ALK: variants seen among roughly 807,000 people sequenced by gnomAD.
The protein encoded by ALK is ALK tyrosine kinase receptor.
Under a neutral mutation model 163.1 loss-of-function variants are expected in ALK, and 74 were observed. That is an observed-to-expected ratio of 0.45 (90% CI 0.38 to 0.55). The LOEUF is 0.55. Ranked by LOEUF, ALK falls within the 20% of genes least tolerant of loss-of-function variation. The probability of loss-of-function intolerance (pLI) is 0.00; values close to 1 mark genes in which losing one functional copy is unlikely to be tolerated. For missense variants in ALK, 2,063 were observed against 2,105.3 expected (o/e 0.98, Z 0.39); for synonymous variants, 960 against 843.2 (o/e 1.14, Z -2.40).
At chr2:29,328,562 G>A in intron 5 of ALK, 81 bp from the exon 6 acceptor site, 2 of 1,569,378 alleles carry the variant, frequency 1.3e-6, no homozygotes, top group Non-Finnish European at 1.8e-6. Flanking sequence ...GGTCCCATGG[G>A]CAGGCTGCAG....
intron 26 of ALK, among the ~76,000 whole-genome samples, chr2:29,199,602 T>C (rs952436879): frequency 5.3e-5 from 8 of 152,236 alleles, no homozygotes; most frequent in Admixed American, 5.2e-4. Context: ...TCACTTCATC[T>C]ATTTGTCTGC....
chr2:29,522,534 G>A (rs75025828), intron 4 of ALK, among the ~76,000 whole-genome samples: 2,207 of 152,196 alleles, frequency 0.015, 68 homozygotes, highest in African/African-American at 0.048. Context: ...TGAGTCAACA[G>A]GGAGAGGACC....
intron 4 of ALK, among the ~76,000 whole-genome samples, chr2:29,482,336 G>A (rs1671682070): frequency 6.6e-6 from 1 of 152,198 alleles, no homozygotes; most frequent in South Asian, 2.1e-4. Flanking sequence ...AATTTCTGGT[G>A]TCTAGTTCTA....
At chr2:29,373,246 A>G (rs2148294344) in intron 5 of ALK, among the ~76,000 whole-genome samples, 1 of 152,348 alleles carries the variant, frequency 6.6e-6, no homozygotes, top group Admixed American at 6.5e-5. Flanking sequence ...GAACATTTTA[A>G]TGAATTAAAA....
intron 3 of ALK, among the ~76,000 whole-genome samples, chr2:29,606,715 T>A (rs1675551251): frequency 6.6e-6 from 1 of 152,244 alleles, no homozygotes; most frequent in Non-Finnish European, 1.5e-5. Context: ...CTATGGTTGT[T>A]TTTGTGCTAG....
At chr2:29,549,660 T>C (rs866118334) in intron 3 of ALK, among the ~76,000 whole-genome samples, 1 of 152,222 alleles carries the variant, frequency 6.6e-6, no homozygotes, top group African/African-American at 2.4e-5. Context: ...TTTCCAAGAA[T>C]AAATTTTATA....
intron 2 of ALK, among the ~76,000 whole-genome samples, chr2:29,712,824 A>C (rs772713475): frequency 7.2e-5 from 11 of 152,196 alleles, no homozygotes; most frequent in Non-Finnish European, 1.2e-4. Flanking sequence ...ACTTTTATTC[A>C]AATCTAACAA....
At chr2:29,555,186 G>A (rs924158529) in intron 3 of ALK, among the ~76,000 whole-genome samples, 1 of 151,998 alleles carries the variant, frequency 6.6e-6, no homozygotes, top group African/African-American at 2.4e-5. Flanking sequence ...CCTCTCTTGG[G>A]TTCTGCATGG....
chr2:29,728,597 G>A lies in ALK; in HGVS notation c.668-10900C>T, dbSNP rs567470406. ...ATGATGAGGGATCTGACTTCATTACGAGAGGCAGGGGAAGATTACCTGAGA... is the reference window on the plus strand; with the variant it reads ...ATGATGAGGGATCTGACTTCATTACAAGAGGCAGGGGAAGATTACCTGAGA... On this transcript the variant is annotated intron_variant, in intron 1 of 28. Transcript: ENST00000389048. Among the ~76,000 whole-genome samples the A allele has an allele frequency of 1.4e-4, 22 of 152,310 alleles. 1 individual carries two copies. The South Asian group carries it at 3.1e-3, about 22-fold the overall frequency.
Position 29,233,754 on chromosome 2 carries a change from G to A in ALK, c.2356-58C>T, listed in dbSNP as rs1382554325. On this transcript the variant is annotated intron_variant, in intron 13 of 28. Transcript: ENST00000389048. ...CCAAACCAGAGTTCTCCACTTTGCAGCAGACAGAACTTCTATGCTTAAAAA... is the reference window on the plus strand; with the variant it reads ...CCAAACCAGAGTTCTCCACTTTGCAACAGACAGAACTTCTATGCTTAAAAA... 4.3e-6 allele frequency: 7 copies of A among 1,611,218 alleles called. No individual in the cohort carries two copies. The African/African-American group carries it at 8.0e-5, about 18-fold the overall frequency.
At chr2:29,354,960 G>T (rs1573273770) in intron 5 of ALK, among the ~76,000 whole-genome samples, 1 of 151,950 alleles carries the variant, frequency 6.6e-6, no homozygotes, top group Non-Finnish European at 1.5e-5. Flanking sequence ...TAGAGACGGG[G>T]TTTCACTGTG....
At chr2:29,398,179 G>C (rs1669357426) in intron 4 of ALK, among the ~76,000 whole-genome samples, 1 of 152,188 alleles carries the variant, frequency 6.6e-6, no homozygotes, top group South Asian at 2.1e-4. Flanking sequence ...CCTGGGCACA[G>C]GCCAGCGTTT....
In ALK at chr2:29,531,186, C is replaced by T. The variant is rs189734629; in HGVS notation, c.1154+729G>A. Among the ~76,000 whole-genome samples the T allele has an allele frequency of 2.2e-3, 342 of 152,276 alleles. 2 individuals carry two copies. The highest frequency in any genetic ancestry group is 6.7e-3 in the African/African-American group (279 of 41,542). On this transcript the variant is annotated intron_variant, in intron 4 of 28. Coordinates refer to ENST00000389048, the MANE Select transcript of ALK (RefSeq NM_004304.5). Reference sequence around the variant, plus strand: ...TGTAAACAAGTCACAAAGAAGGATCCTTGTTGCTAAAGTAATCAGATCTGG... The same window carrying T: ...TGTAAACAAGTCACAAAGAAGGATCTTTGTTGCTAAAGTAATCAGATCTGG...
intron 3 of ALK, among the ~76,000 whole-genome samples, chr2:29,587,375 A>G (rs559328279): frequency 6.6e-6 from 1 of 152,332 alleles, no homozygotes; most frequent in East Asian, 1.9e-4. Flanking sequence ...ACTCAAAAGC[A>G]TTGATTTCAC....
rs148985724 is a variant in ALK at position 29,314,873 on chromosome 2, G to T, written c.1647+3431C>A. 2.1e-3 allele frequency among the ~76,000 whole-genome samples: 323 copies of T among 152,202 alleles called. 3 individuals are homozygous for T. The highest frequency in any genetic ancestry group is 7.1e-3 in the African/African-American group (296 of 41,500). ...GTGGTGTCAGCCGCCACTCTGCCGTGCTCTTTATTACCAGCGGCTGCAATG... is the reference window on the plus strand; with the variant it reads ...GTGGTGTCAGCCGCCACTCTGCCGTTCTCTTTATTACCAGCGGCTGCAATG... On this transcript the variant is annotated intron_variant, in intron 8 of 28. Transcript: ENST00000389048.
intron 3 of ALK, among the ~76,000 whole-genome samples, chr2:29,627,493 G>T (rs567378153): frequency 6.6e-6 from 1 of 151,792 alleles, no homozygotes; most frequent in Non-Finnish European, 1.5e-5. Context: ...GAACAGCAGT[G>T]GGCCAGGGAA....
chr2:29,703,759 G>A (rs982714930), intron 2 of ALK, among the ~76,000 whole-genome samples: 3 of 152,184 alleles, frequency 2.0e-5, no homozygotes, highest in Non-Finnish European at 4.4e-5. Flanking sequence ...GACATTTGCA[G>A]TCAGAGGCTG....
chr2:29,384,779 T>G (rs1405972010), intron 4 of ALK, among the ~76,000 whole-genome samples: 1 of 152,180 alleles, frequency 6.6e-6, no homozygotes, highest in Non-Finnish European at 1.5e-5. Flanking sequence ...AATTGATGTA[T>G]AATAAATTAC....
At chr2:29,478,224 T>A (rs1333403704) in intron 4 of ALK, among the ~76,000 whole-genome samples, 2 of 152,226 alleles carry the variant, frequency 1.3e-5, no homozygotes, top group Non-Finnish European at 1.5e-5. Context: ...ATATGGCCCA[T>A]GTTGCCCTCC....
Sources: gnomAD v4.1 joint callset for allele counts (sites outside exome capture counted in the v4.1 genomes callset) on GRCh38, gnomAD v4.1.1 for gene constraint, MANE v1.5 for transcripts, NCBI Gene and HGNC (gene_info 2026-07-23, HGNC 2026-07-21) for gene names.